COPG2: variants seen among roughly 807,000 people sequenced by gnomAD.
The protein encoded by COPG2 is coatomer subunit gamma-2.
COPG2 carries 37 observed loss-of-function variants against 46.3 expected under a neutral mutation model. The ratio of observed to expected loss-of-function variants is 0.80; its 90% CI spans 0.61 to 1.05. The LOEUF is 1.05. Ranked by LOEUF, COPG2 falls within the 50% of genes least tolerant of loss-of-function variation. The pLI is 0.00. For missense variants in COPG2, 427 were observed against 387.8 expected (o/e 1.10, Z -0.85); for synonymous variants, 159 against 129.7 (o/e 1.23, Z -1.53).
intron 9 of COPG2, among the ~76,000 whole-genome samples, chr7:130,569,590 A>G (rs1584976518): frequency 1.3e-5 from 2 of 152,296 alleles, no homozygotes. Context: ...AAAAAAGTCC[A>G]AGACCAGATA....
intron 20 of COPG2, among the ~76,000 whole-genome samples, chr7:130,524,113 T>C (rs1799752603): frequency 6.6e-6 from 1 of 151,932 alleles, no homozygotes; most frequent in African/African-American, 2.4e-5. Context: ...GCAAAGGGAA[T>C]TGAGAAGGTT....
intron 9 of COPG2, among the ~76,000 whole-genome samples, chr7:130,570,575 TGCTCATG>T (rs1426228125): frequency 6.6e-6 from 1 of 152,218 alleles, no homozygotes; most frequent in South Asian, 2.1e-4. Context: ...ACACCTCCCA[TGCTCATG>T]GATGAGTAGA....
chr7:130,510,060 G>A (rs1554440836), intron 20 of COPG2: 1 of 519,456 alleles, frequency 1.9e-6, no homozygotes, highest in African/African-American at 1.9e-5. Flanking sequence ...AAAATACCTT[G>A]TATTTCAAAT....
At chr7:130,545,621 G>T (rs1221928423) in intron 20 of COPG2, among the ~76,000 whole-genome samples, 1 of 152,108 alleles carries the variant, frequency 6.6e-6, no homozygotes, top group South Asian at 2.1e-4. Flanking sequence ...AAAGGAGTTT[G>T]TTTTTTAAGT....
intron 5 of COPG2, among the ~76,000 whole-genome samples, chr7:130,640,079 G>T (rs1282776689): frequency 6.6e-6 from 1 of 150,442 alleles, no homozygotes; most frequent in Non-Finnish European, 1.5e-5. Context: ...CTCAGGACGG[G>T]AAAGAAAACA....
intron 4 of COPG2, 145 bp downstream of exon 4, chr7:130,662,822 A>T (rs562409208): frequency 6.3e-6 from 4 of 633,478 alleles, no homozygotes; most frequent in Non-Finnish European, 1.1e-5. Flanking sequence ...TTCACGTCTT[A>T]TAATGAATAT....
intron 20 of COPG2, among the ~76,000 whole-genome samples, chr7:130,528,977 CAAG>C (rs1799799775): frequency 6.6e-6 from 1 of 151,960 alleles, no homozygotes; most frequent in South Asian, 2.1e-4. Context: ...TGGCAATAGA[CAAG>C]GAGGATGTAG....
chr7:130,666,828 A>C, intron 3 of COPG2, 21 bp downstream of exon 3: 1 of 1,105,988 alleles, frequency 9.0e-7, no homozygotes, highest in Non-Finnish European at 1.3e-6. Flanking sequence ...CACTTATCTG[A>C]GGAAAATAAA....
chr7:130,583,219 T>C (rs368998609), intron 9 of COPG2, among the ~76,000 whole-genome samples: 5 of 151,166 alleles, frequency 3.3e-5, no homozygotes, highest in East Asian at 1.9e-4. Context: ...AAATTGGAAA[T>C]CATCATTCTC....
intron 9 of COPG2, among the ~76,000 whole-genome samples, chr7:130,591,728 G>T (rs1332090458): frequency 7.1e-6 from 1 of 141,406 alleles, no homozygotes; most frequent in African/African-American, 2.7e-5. Flanking sequence ...GGAAGGAGGT[G>T]GGGGGGTCAG....
At chr7:130,660,803 T>G (rs556291032) in intron 4 of COPG2, among the ~76,000 whole-genome samples, 10 of 152,236 alleles carry the variant, frequency 6.6e-5, no homozygotes, top group African/African-American at 2.4e-4. Context: ...TCCCAAGCAC[T>G]CACACTCCTG....
At chr7:130,587,455 A>G (rs956823382) in intron 9 of COPG2, among the ~76,000 whole-genome samples, 2 of 152,128 alleles carry the variant, frequency 1.3e-5, no homozygotes, top group Admixed American at 1.3e-4. Context: ...AAATGAAAAT[A>G]TAATACTTGC....
At position 130,665,672 on chromosome 7, in the gene COPG2, T is replaced by C. The variant is rs149894043; in HGVS notation, c.171+1177A>G. Among the ~76,000 whole-genome samples, 427 of 152,140 alleles carry C rather than the reference T, an allele frequency of 2.8e-3. 3 individuals carry two copies. Among genetic ancestry groups the C allele is most frequent in the Non-Finnish European group, 4.1e-3 (282 of 67,990 alleles). Reference sequence around the variant, plus strand: ...AGGATATGTGTAGGTTATATGCAAATACTACACCATTTGTATGAGGGACTT... The same window carrying C: ...AGGATATGTGTAGGTTATATGCAAACACTACACCATTTGTATGAGGGACTT... On this transcript the variant is annotated intron_variant, in intron 3 of 23. Coordinates refer to ENST00000425248, the MANE Select transcript of COPG2 (RefSeq NM_012133.6).
chr7:130,634,848 G>A (rs1795304421), intron 5 of COPG2, among the ~76,000 whole-genome samples: 1 of 151,926 alleles, frequency 6.6e-6, no homozygotes. Context: ...CTGTGGGTTT[G>A]TCATAAATAG....
In COPG2 at chr7:130,532,167, T is replaced by C. The variant is rs948373917; in HGVS notation, c.2149+15507A>G. 8.2e-4 allele frequency among the ~76,000 whole-genome samples: 124 copies of C among 152,090 alleles called. No homozygotes were observed. The East Asian group carries it at 0.014, about 17-fold the overall frequency. On this transcript the variant is annotated intron_variant, in intron 20 of 23. Transcript: ENST00000425248. ...GTCAAGACTGTCAGGTGTGGGAACATAGTTCCCGACAGACCAGGACAAGGA... is the reference window on the plus strand; with the variant it reads ...GTCAAGACTGTCAGGTGTGGGAACACAGTTCCCGACAGACCAGGACAAGGA...
At chr7:130,590,323 C>G (rs1350293193) in intron 9 of COPG2, among the ~76,000 whole-genome samples, 1 of 152,174 alleles carries the variant, frequency 6.6e-6, no homozygotes, top group Non-Finnish European at 1.5e-5. Context: ...CTGGACTGTG[C>G]TGCTGCCATC....
At chr7:130,566,946 A>G (rs1009582078) in intron 9 of COPG2, among the ~76,000 whole-genome samples, 16 of 152,198 alleles carry the variant, frequency 1.1e-4, no homozygotes, top group African/African-American at 3.6e-4. Context: ...AGGCCCTCCT[A>G]TGTTCACTGC....
chr7:130,651,258 C>T (rs1444015201), intron 5 of COPG2, among the ~76,000 whole-genome samples: 2 of 151,994 alleles, frequency 1.3e-5, no homozygotes, highest in East Asian at 1.9e-4. Flanking sequence ...CAGCCACAAT[C>T]CCAACTATCC....
At chr7:130,587,306 CA>C (rs540920750) in intron 9 of COPG2, among the ~76,000 whole-genome samples, 1 of 150,532 alleles carries the variant, frequency 6.6e-6, no homozygotes, top group Non-Finnish European at 1.5e-5. Context: ...GACTCCATCT[CA>C]AAAAAAAGAA....
Sources: gnomAD v4.1 joint callset for allele counts (sites outside exome capture counted in the v4.1 genomes callset) on GRCh38, gnomAD v4.1.1 for gene constraint, MANE v1.5 for transcripts, NCBI Gene and HGNC (gene_info 2026-07-23, HGNC 2026-07-21) for gene names.